The following DNAJC25 variants were observed in gnomAD, a reference collection of about 807,000 sequenced individuals.
DNAJC25 encodes DnaJ heat shock protein family (Hsp40) member C25, also known as dnaJ homolog subfamily C member 25.
Under a neutral mutation model 42.1 loss-of-function variants are expected in DNAJC25, and 26 were observed. The observed-to-expected ratio is 0.62, with a 90% CI of 0.45 to 0.86. DNAJC25 has a LOEUF of 0.86. DNAJC25 is among the 40% of genes least tolerant of loss of function. DNAJC25 has a pLI of 0.00. For missense variants in DNAJC25, 404 were observed against 459.4 expected, an observed-to-expected ratio of 0.88 and a Z score of 1.10; for synonymous variants, 189 against 179.9, an observed-to-expected ratio of 1.05 and a Z score of -0.40.
At chr9:111,635,168 T>G (rs1372215340) in intron 1 of DNAJC25, among the ~76,000 whole-genome samples, 1 of 152,244 alleles carries the variant, frequency 6.6e-6, no homozygotes, top group Non-Finnish European at 1.5e-5. Flanking sequence ...CTTACATGTT[T>G]TTAAAGTGGC....
chr9:111,644,335 T>C (rs578261686), intron 1 of DNAJC25, among the ~76,000 whole-genome samples: 1 of 152,290 alleles, frequency 6.6e-6, no homozygotes, highest in East Asian at 1.9e-4. Context: ...GAGTTGCTTG[T>C]GTTGGAGCAT....
Position 111,631,686 on chromosome 9 carries a change from G to T in DNAJC25, c.279G>T (p.Thr93=). 6.6e-7 allele frequency: 1 copy of T among 1,523,442 alleles called. No homozygotes were observed. Among genetic ancestry groups the T allele is most frequent in the Non-Finnish European group, 8.8e-7 (1 of 1,141,792 alleles). 94.4% of individuals were successfully genotyped at this position (1,523,442 alleles called of 1,614,324 possible). ...PQPGDEGPGR[T]PQSAEEAFLL... ...CCGGAGACGAGGGCCCCGGGCGGAC[G>T]CCGCAGAGCGCCGAGGAGGCTTTCC... Residue 93 remains threonine (T), a synonymous_variant, in exon 1 of 4, where the codon ACG becomes ACT. Transcript: ENST00000313525.
rs772596648 is a variant in DNAJC25, at chr9:111,653,115, C to G, written c.976C>G (p.Gln326Glu). 1 of 1,601,024 alleles carries G rather than the reference C, an allele frequency of 6.2e-7. No homozygotes were observed. Among genetic ancestry groups the G allele is most frequent in the South Asian group, 1.1e-5 (1 of 89,332 alleles). Reference sequence around the variant, plus strand: ...ATACTTACAGGTCTACAAGCAAGAACAAGAGGAAGAATTAAAGAAAAAGTT... The same window carrying G: ...ATACTTACAGGTCTACAAGCAAGAAGAAGAGGAAGAATTAAAGAAAAAGTT... The part of the protein sequence containing the change: ...KENYEVYKQE[Q>E]EEELKKKLAN... The change falls in exon 4 of 4, where the codon CAA becomes GAA. Residue 326 changes from glutamine to glutamate, a missense_variant. Gln to Glu is a conservative substitution (Grantham distance 29). Coordinates refer to ENST00000313525, the MANE Select transcript of DNAJC25 (RefSeq NM_001015882.3).
Position 111,631,487 on chromosome 9 carries a change from T to A in DNAJC25, c.80T>A (p.Leu27Gln). The A allele has an allele frequency of 6.0e-6, 8 of 1,323,816 alleles. No homozygotes were observed. The highest frequency in any genetic ancestry group is 6.7e-6 in the Non-Finnish European group (7 of 1,043,556). 82.0% of individuals were successfully genotyped at this position (1,323,816 alleles called of 1,614,324 possible). A position where few individuals can be genotyped will look rare whatever the true frequency, so the allele number is the denominator to read the frequency against. The change falls in exon 1 of 4, where the codon CTG (leucine) becomes CAG (glutamine). Residue 27 changes from leucine to glutamine, a missense_variant. Transcript: ENST00000313525. ...TGGTGGATGCTGCTGGCGCCCCTGC[T>A]GCCGGCGCTGCTGCTGGTGCGGCCC... is the stretch of plus-strand genomic sequence containing the variant. Reference protein sequence around the residue: ...RRWWMLLAPLLPALLLVRPAG... With the variant: ...RRWWMLLAPLQPALLLVRPAG...
chr9:111,633,294 G>A lies in DNAJC25; in HGVS notation c.336+1551G>A, dbSNP rs148883452. Among the ~76,000 whole-genome samples, 679 of 152,278 alleles carry A rather than the reference G, an allele frequency of 4.5e-3. 3 individuals carry two copies. Among genetic ancestry groups the A allele is most frequent in the Non-Finnish European group, 7.8e-3 (528 of 68,024 alleles). ...AATCATGTTAATTTGTTTCAGGCGC[G>A]AGATGGTAATAAGGTTGTGGTGCTT... On this transcript the variant is annotated intron_variant, in intron 1 of 3. Transcript: ENST00000313525.
Position 111,653,197 on chromosome 9 carries a change from GGC to G in DNAJC25, c.1060_1061del (p.Arg354ValfsTer6). The G allele has an allele frequency of 6.3e-7, 1 of 1,589,546 alleles. No homozygotes were observed. The highest frequency in any genetic ancestry group is 8.6e-7 in the Non-Finnish European group (1 of 1,166,820). ...AGATGGATGAAGAATGAAGGGCCTGGGCGGTTAACATTTGTGGATGACTGAAG... is the reference window on the plus strand; with the variant it reads ...AGATGGATGAAGAATGAAGGGCCTGGGGTTAACATTTGTGGATGACTGAAG... On this transcript the variant is annotated frameshift_variant, in exon 4 of 4. Coordinates refer to ENST00000313525, the MANE Select transcript of DNAJC25 (RefSeq NM_001015882.3). LOFTEE classifies it high-confidence loss of function.
chr9:111,649,797 A>C lies in DNAJC25; in HGVS notation c.834A>C (p.Gly278=), dbSNP rs775768214. The stretch of plus-strand genomic sequence containing the variant: ...TTAACATCAAAGGCAAAGAATATGG[A>C]GAGGAAGAGAGATTATACATTATAC... ...YNFNIKGKEY[G]EEERLYIIRK... is the part of the protein sequence containing the mutation. The change falls in exon 3 of 4, where the codon GGA becomes GGC. Residue 278 remains glycine (G), a synonymous_variant. Coordinates refer to ENST00000313525, the MANE Select transcript of DNAJC25 (RefSeq NM_001015882.3). 1 of 1,614,038 alleles carries C rather than the reference A, an allele frequency of 6.2e-7. No homozygotes were observed. Among genetic ancestry groups the C allele is most frequent in the South Asian group, 1.1e-5 (1 of 91,054 alleles).
At position 111,649,860 on chromosome 9, in the gene DNAJC25, T is replaced by C. The variant is rs750314561; in HGVS notation, c.897T>C (p.Ser299=). The stretch of plus-strand genomic sequence containing the variant: ...AGATGTCAAAGTCTCAATTTGATAG[T>C]CTAGAAGATCATCAGAAAGAAACTT... The part of the protein sequence containing the change: ...SMKMSKSQFD[S]LEDHQKETFL... Residue 299 remains serine (S), a synonymous_variant, in exon 3 of 4, where the codon AGT becomes AGC. Transcript: ENST00000313525. The C allele has an allele frequency of 2.5e-6, 4 of 1,603,780 alleles. No individual in the cohort carries two copies. The highest frequency in any genetic ancestry group is 3.4e-6 in the Non-Finnish European group (4 of 1,177,618).
At chr9:111,645,525 G>C (rs778766493) in intron 1 of DNAJC25, among the ~76,000 whole-genome samples, 2 of 152,214 alleles carry the variant, frequency 1.3e-5, no homozygotes, top group African/African-American at 2.4e-5. Flanking sequence ...AAAGTGCTGG[G>C]ATTACAGGAG....
chr9:111,636,273 G>T (rs1830362269), intron 1 of DNAJC25, among the ~76,000 whole-genome samples: 1 of 152,230 alleles, frequency 6.6e-6, no homozygotes, highest in African/African-American at 2.4e-5. Context: ...AGTGTGCAAG[G>T]CTTGTTCCAG....
intron 1 of DNAJC25, among the ~76,000 whole-genome samples, chr9:111,636,997 A>G (rs948664915): frequency 1.3e-5 from 2 of 152,192 alleles, no homozygotes; most frequent in African/African-American, 2.4e-5. Flanking sequence ...ACTGGCTGAC[A>G]TGATGTAATC....
At chr9:111,643,125 C>T (rs184164328) in intron 1 of DNAJC25, 67 of 276,912 alleles carry the variant, frequency 2.4e-4, no homozygotes, top group African/African-American at 1.4e-3. Flanking sequence ...AAGGTTTAAG[C>T]TATGTTAGCC....
Position 111,649,717 on chromosome 9 carries a change from G to T in DNAJC25, c.754G>T (p.Ala252Ser). The T allele has an allele frequency of 6.2e-7, 1 of 1,614,092 alleles. No individual in the cohort carries two copies. The highest frequency in any genetic ancestry group is 8.5e-7 in the Non-Finnish European group (1 of 1,180,020). ...CDLLLFQIILAPFHLCSYIVW... is the reference protein window; with the variant it reads ...CDLLLFQIILSPFHLCSYIVW... ...TCTTCTCCTGTTTCAAATTATCTTA[G>T]CTCCTTTTCACCTATGCTCATATAT... is the stretch of plus-strand genomic sequence containing the variant. Residue 252 changes from alanine to serine, a missense_variant, in exon 3 of 4, where the codon GCT becomes TCT. Transcript: ENST00000313525.
At chr9:111,639,431 G>A (rs1830411116) in intron 1 of DNAJC25, among the ~76,000 whole-genome samples, 1 of 152,102 alleles carries the variant, frequency 6.6e-6, no homozygotes, top group African/African-American at 2.4e-5. Flanking sequence ...AATAGGAGGA[G>A]GCAAGAAAAA....
At position 111,653,105 on chromosome 9, in the gene DNAJC25, C is replaced by T. The variant is rs745909102; in HGVS notation, c.966C>T (p.Tyr322=). The T allele has an allele frequency of 1.3e-6, 2 of 1,599,288 alleles. No individual in the cohort carries two copies. Among genetic ancestry groups the T allele is most frequent in the Admixed American group, 3.4e-5 (2 of 58,640 alleles). ...ELWIKENYEV[Y]KQEQEEELKK... The stretch of plus-strand genomic sequence containing the variant: ...CTAGTTATTTATACTTACAGGTCTA[C>T]AAGCAAGAACAAGAGGAAGAATTAA... Residue 322 remains tyrosine, a synonymous_variant, in exon 4 of 4, where the codon TAC becomes TAT. Coordinates refer to ENST00000313525, the MANE Select transcript of DNAJC25 (RefSeq NM_001015882.3).
At chr9:111,635,401 T>C (rs1564082521) in intron 1 of DNAJC25, among the ~76,000 whole-genome samples, 3 of 152,228 alleles carry the variant, frequency 2.0e-5, no homozygotes, top group South Asian at 2.1e-4. Context: ...CCCTCTGCCA[T>C]TTCACTCAAA....
At chr9:111,651,846 CAAAA>C (rs370573333) in intron 3 of DNAJC25, among the ~76,000 whole-genome samples, 2 of 92,994 alleles carry the variant, frequency 2.2e-5, no homozygotes, top group African/African-American at 4.6e-5. Context: ...GACCCCATCT[CAAAA>C]AAAAAAAAAA....
At chr9:111,637,330 A>AG (rs1809940276) in intron 1 of DNAJC25, among the ~76,000 whole-genome samples, 1 of 152,230 alleles carries the variant, frequency 6.6e-6, no homozygotes, top group Non-Finnish European at 1.5e-5. Flanking sequence ...AATAGTTACC[A>AG]GAAGTTTTAA....
chr9:111,647,197 G>T lies in DNAJC25; in HGVS notation c.427G>T (p.Ala143Ser). The T allele has an allele frequency of 6.2e-7, 1 of 1,614,170 alleles. No individual in the cohort carries two copies. The highest frequency in any genetic ancestry group is 1.6e-4 in the Middle Eastern group (1 of 6,062). The change falls in exon 2 of 4, where the codon GCC (alanine) becomes TCC (serine). Residue 143 changes from alanine (A) to serine (S), a missense_variant. Transcript: ENST00000313525. ...HYYHYYSRRL[A>S]PKVDVRVVIL... ...CTACCACTACTATAGCAGGCGCTTG[G>T]CCCCTAAGGTGGATGTTAGAGTAGT...
Sources: allele counts gnomAD v4.1 joint callset (sites outside exome capture counted in the v4.1 genomes callset), GRCh38; gene constraint gnomAD v4.1.1; transcripts MANE v1.5; gene names NCBI Gene and HGNC (gene_info 2026-07-23, HGNC 2026-07-21).